The following SNCAIP variants were observed in gnomAD, a reference collection of about 807,000 sequenced individuals.
SNCAIP encodes synuclein alpha interacting protein, also known as synphilin-1.
In SNCAIP, 43 loss-of-function variants were observed where a neutral mutation model predicts 86.7. The ratio of observed to expected loss-of-function variants is 0.50; its 90% CI spans 0.39 to 0.64. The LOEUF (loss-of-function observed/expected upper bound fraction) is 0.64, where lower values mean the gene tolerates loss of function less well. Among genes scored for constraint, SNCAIP ranks in the 30% least tolerant of loss-of-function variants. The pLI, the probability that SNCAIP is intolerant of heterozygous loss-of-function variation, is 0.00. For missense variants in SNCAIP, 981 were observed against 1,103.1 expected, an observed-to-expected ratio of 0.89 and a Z score of 1.57; for synonymous variants, 417 against 427.2, an observed-to-expected ratio of 0.98 and a Z score of 0.29.
chr5:122,427,009 T>C (rs1261788995), intron 5 of SNCAIP, among the ~76,000 whole-genome samples: 1 of 152,198 alleles, frequency 6.6e-6, no homozygotes, highest in African/African-American at 2.4e-5. Context: ...TATAGCCCTG[T>C]GACAGAGTTC....
intron 2 of SNCAIP, among the ~76,000 whole-genome samples, chr5:122,397,452 A>G (rs1460701756): frequency 6.6e-6 from 1 of 152,202 alleles, no homozygotes; most frequent in Non-Finnish European, 1.5e-5. Flanking sequence ...AAATGATCAA[A>G]AGAGTTACTG....
intron 2 of SNCAIP, 88 bp downstream of exon 2, chr5:122,391,279 T>C: frequency 1.0e-6 from 1 of 953,950 alleles, no homozygotes; most frequent in Non-Finnish European, 1.7e-6. Flanking sequence ...CTATATATCC[T>C]CAACTTTTCT....
intron 3 of SNCAIP, among the ~76,000 whole-genome samples, chr5:122,407,073 C>A (rs141099554): frequency 1.5e-4 from 23 of 152,230 alleles, no homozygotes; most frequent in African/African-American, 5.3e-4. Flanking sequence ...TGGTAAAGAA[C>A]AAGACAGACA....
At chr5:122,393,437 G>T (rs1769867039) in intron 2 of SNCAIP, among the ~76,000 whole-genome samples, 1 of 152,096 alleles carries the variant, frequency 6.6e-6, no homozygotes, top group African/African-American at 2.4e-5. Context: ...TCACCCAGCT[G>T]GTTAGGTGTA....
At chr5:122,436,364 G>A (rs922919896) in intron 6 of SNCAIP, 7 of 151,816 alleles carry the variant, frequency 4.6e-5, no homozygotes, top group African/African-American at 1.2e-4. Context: ...GATGAATGTC[G>A]GCTGTTATCA....
At chr5:122,416,898 G>A (rs1354142629) in intron 3 of SNCAIP, among the ~76,000 whole-genome samples, 1 of 152,190 alleles carries the variant, frequency 6.6e-6, no homozygotes, top group Non-Finnish European at 1.5e-5. Flanking sequence ...CTATGGATGT[G>A]AGGTATATTG....
At chr5:122,432,883 T>C (rs1183159273) in intron 6 of SNCAIP, among the ~76,000 whole-genome samples, 3 of 152,200 alleles carry the variant, frequency 2.0e-5, no homozygotes, top group African/African-American at 7.2e-5. Flanking sequence ...AAAATAGATT[T>C]AATTGTGTTT....
At chr5:122,315,617 A>G (rs939121076) in intron 1 of SNCAIP, among the ~76,000 whole-genome samples, 3 of 152,198 alleles carry the variant, frequency 2.0e-5, no homozygotes, top group African/African-American at 4.8e-5. Context: ...TTAGGAGAGC[A>G]TATTGGAGCC....
chr5:122,438,733 C>T (rs901809600), intron 6 of SNCAIP, among the ~76,000 whole-genome samples: 7 of 152,054 alleles, frequency 4.6e-5, no homozygotes, highest in East Asian at 1.9e-4. Context: ...TATCATTGTC[C>T]GCTCCCTCAG....
intron 1 of SNCAIP, among the ~76,000 whole-genome samples, chr5:122,385,292 G>A (rs1339159619): frequency 1.3e-5 from 2 of 152,162 alleles, no homozygotes; most frequent in South Asian, 2.1e-4. Context: ...TGAAGAAGTG[G>A]ATAAAGTCCA....
At chr5:122,328,554 C>T (rs1211737186) in intron 1 of SNCAIP, among the ~76,000 whole-genome samples, 3 of 152,194 alleles carry the variant, frequency 2.0e-5, no homozygotes, top group Non-Finnish European at 4.4e-5. Context: ...TTATTGTCTC[C>T]TTTCCATCCC....
intron 1 of SNCAIP, chr5:122,371,462 C>G (rs1216826127): frequency 1.3e-5 from 2 of 152,042 alleles, no homozygotes; most frequent in African/African-American, 4.8e-5. Context: ...TTATGAGGTA[C>G]AGAGGTGTAA....
At chr5:122,403,770 C>G in intron 2 of SNCAIP, 23 bp from the exon 3 acceptor site, 2 of 1,597,752 alleles carry the variant, frequency 1.3e-6, no homozygotes, top group Non-Finnish European at 1.7e-6. Context: ...TTTATGCCCT[C>G]TCTTCTCTGG....
Position 122,463,612 on chromosome 5 carries a change from G to C in SNCAIP, c.*116G>C, listed in dbSNP as rs1222959207. The C allele has an allele frequency of 9.3e-7, 1 of 1,069,670 alleles. No homozygotes were observed. The highest frequency in any genetic ancestry group is 2.0e-5 in the Admixed American group (1 of 50,590). The allele number at this position is 1,069,670 out of a possible 1,614,324, so 66.3% of individuals were successfully genotyped here. On this transcript the variant is annotated 3_prime_UTR_variant, in exon 11 of 11. Transcript: ENST00000261368. Reference sequence around the variant, plus strand: ...AATTTTCTCTCACTGATGCCCTTTGGAAATTATTGGAAATTTCTGGACTAT... The same window carrying C: ...AATTTTCTCTCACTGATGCCCTTTGCAAATTATTGGAAATTTCTGGACTAT...
chr5:122,404,993 G>T (rs73287523), intron 3 of SNCAIP, among the ~76,000 whole-genome samples: 2 of 152,096 alleles, frequency 1.3e-5, no homozygotes, highest in Non-Finnish European at 2.9e-5. Flanking sequence ...ACCTTCACTT[G>T]TTTTTTATTT....
At chr5:122,402,455 A>C (rs2152870759) in intron 2 of SNCAIP, among the ~76,000 whole-genome samples, 1 of 152,340 alleles carries the variant, frequency 6.6e-6, no homozygotes, top group South Asian at 2.1e-4. Context: ...CAATATAAAC[A>C]GGATGTTATT....
chr5:122,440,992 T>A, intron 7 of SNCAIP: 1 of 495,814 alleles, frequency 2.0e-6, no homozygotes, highest in East Asian at 3.8e-5. Context: ...CTTTTCCTGC[T>A]CCCTTATCAC....
At chr5:122,396,833 T>C (rs1041953726) in intron 2 of SNCAIP, among the ~76,000 whole-genome samples, 5 of 152,212 alleles carry the variant, frequency 3.3e-5, no homozygotes, top group African/African-American at 1.2e-4. Flanking sequence ...TCATTGAAGT[T>C]GAACAAGGTT....
At chr5:122,360,325 G>A (rs1337711642) in intron 1 of SNCAIP, among the ~76,000 whole-genome samples, 1 of 152,160 alleles carries the variant, frequency 6.6e-6, no homozygotes. Flanking sequence ...TGTTGGAGCT[G>A]GGGATCTTCT....
Sources: allele counts gnomAD v4.1 joint callset (sites outside exome capture counted in the v4.1 genomes callset), GRCh38; gene constraint gnomAD v4.1.1; transcripts MANE v1.5; gene names NCBI Gene and HGNC (gene_info 2026-07-23, HGNC 2026-07-21).